CAMK2G: variants seen among roughly 807,000 people sequenced by gnomAD.
CAMK2G encodes the protein calcium/calmodulin-dependent protein kinase type II subunit gamma.
Under a neutral mutation model 88.7 loss-of-function variants are expected in CAMK2G, and 23 were observed. The observed-to-expected ratio is 0.26, with a 90% CI of 0.19 to 0.37. The LOEUF is 0.37. Among genes scored for constraint, CAMK2G ranks in the 10% least tolerant of loss-of-function variants. The pLI is 1.00. For missense variants in CAMK2G, 476 were observed against 780.8 expected, an observed-to-expected ratio of 0.61 and a Z score of 4.65; for synonymous variants, 263 against 294.8, an observed-to-expected ratio of 0.89 and a Z score of 1.11.
At position 73,820,490 on chromosome 10, in the gene CAMK2G, ATATTTTTTTT is replaced by A. The variant is rs1291225087; in HGVS notation, c.1250-855_1250-846del. ...TATATATATATATATATATATATAT[ATATTTTTTTT>A]TTTTTTTTTTTCTTGAGACAGAGTC... On this transcript the variant is annotated intron_variant, in intron 18 of 22. Transcript: ENST00000423381. Among the ~76,000 whole-genome samples, 282 of 53,156 alleles carry A rather than the reference ATATTTTTTTT, an allele frequency of 5.3e-3. 3 individuals are homozygous for A. The highest frequency in any genetic ancestry group is 0.017 in the Middle Eastern group (1 of 60). The allele number at this position is 53,156 out of a possible 152,430, so 34.9% of individuals were successfully genotyped here.
At chr10:73,829,265 C>CA (rs1565244921) in intron 14 of CAMK2G, among the ~76,000 whole-genome samples, 21 of 132,626 alleles carry the variant, frequency 1.6e-4, no homozygotes, top group Middle Eastern at 3.7e-3. Flanking sequence ...TTACATTGGC[C>CA]TTTTATTTAT....
intron 17 of CAMK2G, among the ~76,000 whole-genome samples, chr10:73,822,126 A>G (rs2089099729): frequency 6.6e-6 from 1 of 152,176 alleles, no homozygotes. Flanking sequence ...AACCATGATA[A>G]CAGCTTCATG....
intron 3 of CAMK2G, among the ~76,000 whole-genome samples, chr10:73,854,720 C>A (rs1189144098): frequency 6.6e-6 from 1 of 152,164 alleles, no homozygotes; most frequent in Non-Finnish European, 1.5e-5. Flanking sequence ...CCCCACGAAG[C>A]AAGATCATTC....
intron 14 of CAMK2G, among the ~76,000 whole-genome samples, chr10:73,834,254 A>G (rs529190902): frequency 6.6e-6 from 1 of 152,072 alleles, no homozygotes; most frequent in South Asian, 2.1e-4. Context: ...TGTCACAGAA[A>G]CTCTTTCAAT....
chr10:73,874,381 G>A lies in CAMK2G; in HGVS notation c.65+16C>T, dbSNP rs760829761. 5.4e-6 allele frequency: 8 copies of A among 1,476,950 alleles called. No individual in the cohort carries two copies. The highest frequency in any genetic ancestry group is 7.3e-6 in the Non-Finnish European group (8 of 1,101,330). 91.5% of individuals were successfully genotyped at this position (1,476,950 alleles called of 1,614,324 possible). A position where few individuals can be genotyped will look rare whatever the true frequency, so the allele number is the denominator to read the frequency against. On this transcript the variant is annotated intron_variant, in intron 1 of 22. Transcript: ENST00000423381. ...GGCGGCAGGGCAGGCAGGGGACCGC[G>A]GCGGGCGGGCCGTACTTGCCAAGCT...
intron 5 of CAMK2G, 139 bp from the exon 6 acceptor site, chr10:73,849,472 T>TA (rs2134917974): frequency 1.6e-6 from 1 of 630,496 alleles, no homozygotes; most frequent in Admixed American, 2.6e-5. Flanking sequence ...ACTGGAACCT[T>TA]AGACTCTGCA....
intron 19 of CAMK2G, chr10:73,817,794 C>T (rs2086213679): frequency 1.8e-6 from 1 of 543,502 alleles, no homozygotes; most frequent in Non-Finnish European, 3.3e-6. Flanking sequence ...GTTCTTTGGC[C>T]TTTGCCTCCC....
chr10:73,850,525 A>T (rs897811049), intron 5 of CAMK2G, among the ~76,000 whole-genome samples: 2 of 152,198 alleles, frequency 1.3e-5, no homozygotes, highest in African/African-American at 4.8e-5. Context: ...GAGGCCAAGG[A>T]TGCTTCTAAA....
chr10:73,873,099 G>T lies in CAMK2G; in HGVS notation c.66-16C>A. On this transcript the variant is annotated splice_polypyrimidine_tract_variant and intron_variant, in intron 1 of 22. Transcript: ENST00000423381. ...GAAAGCACCCCTGGAGGGAGAAGGG[G>T]AAAAGAACTGGGACACGGAGCAGGG... 5.2e-6 allele frequency: 8 copies of T among 1,552,368 alleles called. No homozygotes were observed. The highest frequency in any genetic ancestry group is 7.1e-6 in the Non-Finnish European group (8 of 1,123,976).
intron 3 of CAMK2G, among the ~76,000 whole-genome samples, chr10:73,860,047 G>A (rs575274179): frequency 6.6e-6 from 1 of 152,242 alleles, no homozygotes; most frequent in Non-Finnish European, 1.5e-5. Context: ...GATGCTCCTT[G>A]CTCTGCCTCA....
At chr10:73,863,996 C>A (rs1565496161) in intron 2 of CAMK2G, among the ~76,000 whole-genome samples, 1 of 152,208 alleles carries the variant, frequency 6.6e-6, no homozygotes, top group Non-Finnish European at 1.5e-5. Flanking sequence ...GAGCCCAACA[C>A]TGCCACATCC....
intron 14 of CAMK2G, among the ~76,000 whole-genome samples, chr10:73,829,991 T>C (rs2092142764): frequency 6.6e-6 from 1 of 152,210 alleles, no homozygotes; most frequent in African/African-American, 2.4e-5. Context: ...GCCCAGTCTT[T>C]GTTCTGCTGA....
At chr10:73,864,252 AG>A (rs2095498698) in intron 2 of CAMK2G, among the ~76,000 whole-genome samples, 2 of 152,222 alleles carry the variant, frequency 1.3e-5, no homozygotes, top group South Asian at 4.1e-4. Flanking sequence ...CAGTGAGCCA[AG>A]ATTGGGCCAC....
chr10:73,868,022 C>A (rs1357548699), intron 2 of CAMK2G, among the ~76,000 whole-genome samples: 3 of 152,182 alleles, frequency 2.0e-5, no homozygotes, highest in Non-Finnish European at 4.4e-5. Flanking sequence ...TGCAGAGAGG[C>A]ATTCAAGAGG....
At chr10:73,827,865 AC>A (rs962615382) in intron 15 of CAMK2G, among the ~76,000 whole-genome samples, 3 of 152,200 alleles carry the variant, frequency 2.0e-5, no homozygotes, top group Admixed American at 2.0e-4. Context: ...TCCAAGCTCC[AC>A]AGCAGGGGGT....
At chr10:73,817,334 G>C in intron 20 of CAMK2G, 145 bp downstream of exon 20, 1 of 805,868 alleles carries the variant, frequency 1.2e-6, no homozygotes, top group Non-Finnish European at 2.0e-6. Context: ...CTACCTGGAA[G>C]GGCTCCCAGT....
At chr10:73,856,321 T>C (rs768822357) in intron 3 of CAMK2G, among the ~76,000 whole-genome samples, 3 of 152,184 alleles carry the variant, frequency 2.0e-5, no homozygotes, top group Admixed American at 6.5e-5. Context: ...AACATCAAGA[T>C]TCCTGATATT....
At chr10:73,863,588 AG>A (rs2095472602) in intron 2 of CAMK2G, among the ~76,000 whole-genome samples, 1 of 152,242 alleles carries the variant, frequency 6.6e-6, no homozygotes, top group East Asian at 1.9e-4. Flanking sequence ...GGGCAGGTGC[AG>A]GAGAACAGCA....
chr10:73,844,456 G>T (rs181953094), intron 10 of CAMK2G, among the ~76,000 whole-genome samples: 1 of 151,950 alleles, frequency 6.6e-6, no homozygotes, highest in African/African-American at 2.4e-5. Flanking sequence ...CACCCAGGCT[G>T]GAATGCAGTG....
Sources: gnomAD v4.1 joint callset for allele counts (sites outside exome capture counted in the v4.1 genomes callset) on GRCh38, gnomAD v4.1.1 for gene constraint, MANE v1.5 for transcripts, NCBI Gene and HGNC (gene_info 2026-07-23, HGNC 2026-07-21) for gene names.